Variants in SUCLG2 observed in about 807,000 individuals in gnomAD.
SUCLG2 encodes succinate-CoA ligase GDP-forming subunit beta.
In SUCLG2, 42 loss-of-function variants were observed where a neutral mutation model predicts 47.9. That is an observed-to-expected ratio of 0.88 (90% CI 0.69 to 1.14). The LOEUF is 1.14. Among genes scored for constraint, SUCLG2 ranks in the 50% most tolerant of loss-of-function variants. The probability of loss-of-function intolerance (pLI) is 0.00; values close to 1 mark genes in which losing one functional copy is unlikely to be tolerated. For synonymous variants in SUCLG2, 195 were observed against 197.3 expected, an observed-to-expected ratio of 0.99 and a Z score of 0.10; for missense variants, 571 against 525.9, an observed-to-expected ratio of 1.09 and a Z score of -0.84.
chr3:67,560,453 C>T (rs1468236444), intron 2 of SUCLG2, among the ~76,000 whole-genome samples: 4 of 152,214 alleles, frequency 2.6e-5, no homozygotes, highest in South Asian at 4.1e-4. Flanking sequence ...AGGTAAAGAA[C>T]GTGAGATCTG....
intron 1 of SUCLG2, among the ~76,000 whole-genome samples, chr3:67,653,085 G>A (rs6797460): frequency 0.34 from 51,901 of 151,940 alleles, 9,064 homozygotes; most frequent in Non-Finnish European, 0.36. Context: ...TCTTGGTTAG[G>A]GAAGTAGGCT....
intron 2 of SUCLG2, among the ~76,000 whole-genome samples, chr3:67,584,828 C>G (rs1411748037): frequency 6.6e-6 from 1 of 152,100 alleles, no homozygotes; most frequent in Non-Finnish European, 1.5e-5. Context: ...GGAAGAGCCC[C>G]TTATAAAACC....
intron 2 of SUCLG2, among the ~76,000 whole-genome samples, chr3:67,586,404 AT>A (rs962344545): frequency 2.6e-5 from 4 of 151,916 alleles, no homozygotes; most frequent in Non-Finnish European, 5.9e-5. Context: ...GATGTGTTTC[AT>A]TTTTTTTAAA....
intron 9 of SUCLG2, among the ~76,000 whole-genome samples, chr3:67,412,914 C>A (rs2106840533): frequency 6.6e-6 from 1 of 152,224 alleles, no homozygotes; most frequent in Non-Finnish European, 1.5e-5. Flanking sequence ...TGGGAAAATC[C>A]ATTCAACCTT....
At chr3:67,432,041 T>C (rs1199956827) in intron 9 of SUCLG2, among the ~76,000 whole-genome samples, 1 of 152,136 alleles carries the variant, frequency 6.6e-6, no homozygotes, top group African/African-American at 2.4e-5. Flanking sequence ...AAGGGGATGA[T>C]GGATGGTCTG....
At chr3:67,400,988 A>G in intron 9 of SUCLG2, 137 bp from the exon 10 acceptor site, 1 of 1,248,672 alleles carries the variant, frequency 8.0e-7, no homozygotes, top group Middle Eastern at 2.7e-4. Flanking sequence ...CATAAAATAC[A>G]AAAATGGCCC....
intron 10 of SUCLG2, among the ~76,000 whole-genome samples, chr3:67,388,402 C>T (rs1005820593): frequency 5.9e-5 from 9 of 152,146 alleles, no homozygotes; most frequent in African/African-American, 1.7e-4. Flanking sequence ...TAAACGTCCT[C>T]GGATAGATAC....
At chr3:67,406,644 G>A (rs1702817392) in intron 9 of SUCLG2, among the ~76,000 whole-genome samples, 1 of 152,146 alleles carries the variant, frequency 6.6e-6, no homozygotes, top group African/African-American at 2.4e-5. Flanking sequence ...AGAATCTGGA[G>A]TATCAGGTCC....
intron 9 of SUCLG2, among the ~76,000 whole-genome samples, chr3:67,459,181 T>C (rs1404422536): frequency 6.6e-6 from 1 of 152,196 alleles, no homozygotes; most frequent in Non-Finnish European, 1.5e-5. Context: ...CAGTTTTACG[T>C]TTTCCTCATT....
At chr3:67,369,543 T>G (rs1013888887) in intron 10 of SUCLG2, among the ~76,000 whole-genome samples, 1 of 152,200 alleles carries the variant, frequency 6.6e-6, no homozygotes, top group African/African-American at 2.4e-5. Context: ...CTGTGTGCCA[T>G]TGGTGGAAAT....
intron 1 of SUCLG2, among the ~76,000 whole-genome samples, chr3:67,637,168 T>C (rs561427884): frequency 5.9e-5 from 9 of 152,286 alleles, no homozygotes; most frequent in African/African-American, 2.2e-4. Flanking sequence ...ACTGAGTTTC[T>C]TCAATATGCC....
chr3:67,491,806 T>C (rs949507315), intron 9 of SUCLG2, among the ~76,000 whole-genome samples: 1 of 152,268 alleles, frequency 6.6e-6, no homozygotes, highest in African/African-American at 2.4e-5. Flanking sequence ...TACTGTCATA[T>C]GAAATTATTT....
At chr3:67,579,391 C>T (rs962349010) in intron 2 of SUCLG2, among the ~76,000 whole-genome samples, 59 of 152,244 alleles carry the variant, frequency 3.9e-4, no homozygotes, top group African/African-American at 1.3e-3. Flanking sequence ...AGATGAAACT[C>T]GAAGTTGGAT....
intron 9 of SUCLG2, among the ~76,000 whole-genome samples, chr3:67,402,981 T>G (rs1007220265): frequency 6.6e-6 from 1 of 152,144 alleles, no homozygotes; most frequent in Non-Finnish European, 1.5e-5. Context: ...GTGATTCAAT[T>G]CTACTTAGTG....
chr3:67,606,800 A>G (rs1345963783), intron 2 of SUCLG2, among the ~76,000 whole-genome samples: 1 of 152,250 alleles, frequency 6.6e-6, no homozygotes, highest in East Asian at 1.9e-4. Flanking sequence ...CATAAATTCT[A>G]TGAAGAAAAA....
At chr3:67,395,149 CA>C (rs1289700992) in intron 10 of SUCLG2, among the ~76,000 whole-genome samples, 2 of 151,754 alleles carry the variant, frequency 1.3e-5, no homozygotes, top group East Asian at 3.9e-4. Context: ...ATCATAATGA[CA>C]GGATCAAATT....
intron 9 of SUCLG2, among the ~76,000 whole-genome samples, chr3:67,432,155 T>C (rs1467726895): frequency 6.6e-6 from 1 of 152,198 alleles, no homozygotes; most frequent in East Asian, 1.9e-4. Flanking sequence ...TAACTACCTT[T>C]TGAAGTACAC....
Position 67,629,143 on chromosome 3 carries a change from C to G in SUCLG2, c.85-19547G>C, listed in dbSNP as rs115990693. On this transcript the variant is annotated intron_variant, in intron 1 of 10. Transcript: ENST00000307227. ...ATATTGAGTTAAGCACTGGCAAAGA[C>G]AGATGTCATGTGTGGTGTTTTCTGA... Among the ~76,000 whole-genome samples the G allele has an allele frequency of 7.1e-3, 1,075 of 152,332 alleles. 8 individuals carry two copies. The highest frequency in any genetic ancestry group is 0.025 in the African/African-American group (1,020 of 41,574).
chr3:67,524,644 T>C (rs568665133), intron 4 of SUCLG2, among the ~76,000 whole-genome samples: 2 of 152,300 alleles, frequency 1.3e-5, no homozygotes, highest in African/African-American at 4.8e-5. Flanking sequence ...TTCTATAATC[T>C]GGGGACTTAT....
Sources: gnomAD v4.1 joint callset for allele counts (sites outside exome capture counted in the v4.1 genomes callset) on GRCh38, gnomAD v4.1.1 for gene constraint, MANE v1.5 for transcripts, NCBI Gene and HGNC (gene_info 2026-07-23, HGNC 2026-07-21) for gene names.